Variants in NFIX observed in about 807,000 individuals in gnomAD.
NFIX encodes the protein nuclear factor 1 X-type.
NFIX carries 2 observed loss-of-function variants against 53.3 expected under a neutral mutation model. The ratio of observed to expected loss-of-function variants is 0.04; its 90% CI spans 0.02 to 0.12. NFIX has a LOEUF of 0.12. Among genes scored for constraint, NFIX ranks in the 10% least tolerant of loss-of-function variants. NFIX has a pLI of 1.00. For synonymous variants in NFIX, 244 were observed against 289.0 expected (o/e 0.84, Z 1.58); for missense variants, 310 against 674.5 (o/e 0.46, Z 5.99).
chr19:12,997,020 G>C (rs992570152), intron 1 of NFIX, among the ~76,000 whole-genome samples: 2 of 152,258 alleles, frequency 1.3e-5, no homozygotes, highest in Non-Finnish European at 1.5e-5. Flanking sequence ...TCTAGGGGCT[G>C]CTTAGCCCTG....
At position 13,047,856 on chromosome 19, in the gene NFIX, G is replaced by A. The variant is rs576160033; in HGVS notation, c.559+22304G>A. On this transcript the variant is annotated intron_variant, in intron 2 of 10. Coordinates refer to ENST00000592199, the MANE Select transcript of NFIX (RefSeq NM_001365902.3). The stretch of plus-strand genomic sequence containing the variant: ...CAGGCCCCTCTCTTTGTCCCATGGT[G>A]GCAGCATTCCGGCCCGGTTAATTGC... Among the ~76,000 whole-genome samples, 3 of 152,236 alleles carry A rather than the reference G, an allele frequency of 2.0e-5. No homozygotes were observed. The South Asian group carries it at 6.2e-4, about 32-fold the overall frequency.
In NFIX at chr19:12,999,169, C is replaced by G. The variant is rs74405480; in HGVS notation, c.27+3305C>G. Among the ~76,000 whole-genome samples, 10 of 151,836 alleles carry G rather than the reference C, an allele frequency of 6.6e-5. No individual in the cohort carries two copies. The South Asian group carries it at 2.1e-3, about 32-fold the overall frequency. On this transcript the variant is annotated intron_variant, in intron 1 of 10. Coordinates refer to ENST00000592199, the MANE Select transcript of NFIX (RefSeq NM_001365902.3). ...TCAGGTGTGTACACAAATAACTTTT[C>G]TTTTTCTATTTTTTTTTTTTTTGAG...
In NFIX at chr19:13,056,640, C is replaced by T. The variant is rs138442488; in HGVS notation, c.560-16407C>T. On this transcript the variant is annotated intron_variant, in intron 2 of 10. Transcript: ENST00000592199. ...CACTCGGGAGCCCAGTGCCTACACC[C>T]GAGGCCAGGGAACCCAGGGGTGAAA... is the stretch of plus-strand genomic sequence containing the variant. 2.6e-5 allele frequency among the ~76,000 whole-genome samples: 4 copies of T among 152,268 alleles called. 1 individual carries two copies. The highest frequency in any genetic ancestry group is 1.3e-4 in the Admixed American group (2 of 15,298).
Position 13,097,932 on chromosome 19 carries a change from G to A in NFIX, c.*3283G>A. The A allele has an allele frequency of 6.5e-6, 1 of 154,270 alleles. No homozygotes were observed. The highest frequency in any genetic ancestry group is 1.4e-5 in the Non-Finnish European group (1 of 69,744). 9.6% of individuals were successfully genotyped at this position (154,270 alleles called of 1,614,324 possible). The stretch of plus-strand genomic sequence containing the variant: ...ACAGGACCAGCCACGCTGACAGGTC[G>A]ATTTGCCCAGGCCCGCGCCCGCACG... On this transcript the variant is annotated 3_prime_UTR_variant, in exon 11 of 11. Coordinates refer to ENST00000592199, the MANE Select transcript of NFIX (RefSeq NM_001365902.3).
At chr19:13,091,544 G>C (rs996632022) in intron 10 of NFIX, among the ~76,000 whole-genome samples, 1 of 152,094 alleles carries the variant, frequency 6.6e-6, no homozygotes. Flanking sequence ...TGACCCGTCT[G>C]GTTTCCAGGA....
intron 1 of NFIX, among the ~76,000 whole-genome samples, chr19:13,017,531 C>T (rs1262018474): frequency 6.6e-6 from 1 of 151,632 alleles, no homozygotes; most frequent in Admixed American, 6.6e-5. Flanking sequence ...TCTCCTGTGG[C>T]GGGGGAAACA....
At position 13,012,003 on chromosome 19, in the gene NFIX, C is replaced by T. The variant is rs548341435; in HGVS notation, c.28-13018C>T. Among the ~76,000 whole-genome samples, 249 of 152,200 alleles carry T rather than the reference C, an allele frequency of 1.6e-3. No individual in the cohort carries two copies. Among genetic ancestry groups the T allele is most frequent in the African/African-American group, 5.8e-3 (241 of 41,552 alleles). On this transcript the variant is annotated intron_variant, in intron 1 of 10. Coordinates refer to ENST00000592199, the MANE Select transcript of NFIX (RefSeq NM_001365902.3). This position sits in a 1 kb window ranked among gnomAD's most constrained non-coding sequence, Gnocchi z 5.0. The stretch of plus-strand genomic sequence containing the variant: ...GGGTGCTGACGGTCACTGTCACTTG[C>T]ATCGCACACTGAGGGGTGGGAGAGG...
chr19:13,073,327 G>T lies in NFIX; in HGVS notation c.623-95G>T. On this transcript the variant is annotated intron_variant, in intron 3 of 10. Coordinates refer to ENST00000592199, the MANE Select transcript of NFIX (RefSeq NM_001365902.3). This position sits in a 1 kb window ranked among gnomAD's most constrained non-coding sequence, Gnocchi z 4.5. The stretch of plus-strand genomic sequence containing the variant: ...TAGCCTGGAGCTGGAAACGGGACTT[G>T]GGAGGGAGAAGCAACAGTGTGGAAG... The T allele has an allele frequency of 8.7e-7, 1 of 1,152,932 alleles. No homozygotes were observed. Among genetic ancestry groups the T allele is most frequent in the Non-Finnish European group, 1.3e-6 (1 of 760,652 alleles). 71.4% of individuals were successfully genotyped at this position (1,152,932 alleles called of 1,614,324 possible). A position where few individuals can be genotyped will look rare whatever the true frequency, so the allele number is the denominator to read the frequency against.
Position 13,018,340 on chromosome 19 carries a change from G to A in NFIX, c.28-6681G>A, listed in dbSNP as rs866184655. Among the ~76,000 whole-genome samples the A allele has an allele frequency of 8.6e-3, 983 of 113,688 alleles. 63 individuals are homozygous for A. Among genetic ancestry groups the A allele is most frequent in the African/African-American group, 0.028 (933 of 33,374 alleles). The allele number at this position is 113,688 out of a possible 152,430, so 74.6% of individuals were successfully genotyped here. A position where few individuals can be genotyped will look rare whatever the true frequency, so the allele number is the denominator to read the frequency against. On this transcript the variant is annotated intron_variant, in intron 1 of 10. Coordinates refer to ENST00000592199, the MANE Select transcript of NFIX (RefSeq NM_001365902.3). Reference sequence around the variant, plus strand: ...TGGAGGAGAAAAGGAAGGGGCGGGGGGGGGGGGGGGGCGCGGTTTACAGGA... The same window carrying A: ...TGGAGGAGAAAAGGAAGGGGCGGGGAGGGGGGGGGGGCGCGGTTTACAGGA...
intron 2 of NFIX, among the ~76,000 whole-genome samples, chr19:13,056,413 A>C (rs2015696241): frequency 6.6e-6 from 1 of 152,178 alleles, no homozygotes. Flanking sequence ...CACTGTGTGC[A>C]GAGGGCTTGG....
In NFIX at chr19:13,095,361, C is replaced by G. The variant is rs1476855556; in HGVS notation, c.*712C>G. On this transcript the variant is annotated 3_prime_UTR_variant, in exon 11 of 11. Coordinates refer to ENST00000592199, the MANE Select transcript of NFIX (RefSeq NM_001365902.3). ...TGCGTGTCCCAGAATGGAGGGTGTT[C>G]TGACACCCCACCCTGAGCCGCAAGA... The G allele has an allele frequency of 1.3e-5, 2 of 152,442 alleles. No homozygotes were observed. Among genetic ancestry groups the G allele is most frequent in the Non-Finnish European group, 2.9e-5 (2 of 68,228 alleles). The allele number at this position is 152,442 out of a possible 1,614,324, so 9.4% of individuals were successfully genotyped here.
At chr19:13,024,733 G>GGA (rs140446550) in intron 1 of NFIX, 49 of 1,529,096 alleles carry the variant, frequency 3.2e-5, no homozygotes, top group African/African-American at 5.5e-5. Context: ...AGTGAGTGAG[G>GGA]GAGAGAGAGA....
Position 13,074,036 on chromosome 19 carries a change from G to A in NFIX, c.818+10G>A. The A allele has an allele frequency of 6.2e-7, 1 of 1,613,816 alleles. No individual in the cohort carries two copies. Among genetic ancestry groups the A allele is most frequent in the Non-Finnish European group, 8.5e-7 (1 of 1,179,812 alleles). ...CCCCTCCTTCCACCAGGTAAGCCCAGTGGCCCTGCCTTTCCATCTTCTCTC... is the reference window on the plus strand; with the variant it reads ...CCCCTCCTTCCACCAGGTAAGCCCAATGGCCCTGCCTTTCCATCTTCTCTC... On this transcript the variant is annotated intron_variant, in intron 5 of 10. Coordinates refer to ENST00000592199, the MANE Select transcript of NFIX (RefSeq NM_001365902.3).
Position 13,036,545 on chromosome 19 carries a change from G to A in NFIX, c.559+10993G>A, listed in dbSNP as rs1350503496. On this transcript the variant is annotated intron_variant, in intron 2 of 10. Coordinates refer to ENST00000592199, the MANE Select transcript of NFIX (RefSeq NM_001365902.3). This position sits in a 1 kb window ranked among gnomAD's most constrained non-coding sequence, Gnocchi z 4.7. The stretch of plus-strand genomic sequence containing the variant: ...ACTCTTGTGGACTGGGCGGAGCTGT[G>A]TGGAGCGATCGGGAGATCCCCGGAG... Among the ~76,000 whole-genome samples the A allele has an allele frequency of 6.6e-6, 1 of 152,162 alleles. No homozygotes were observed. Among genetic ancestry groups the A allele is most frequent in the Non-Finnish European group, 1.5e-5 (1 of 68,030 alleles).
intron 1 of NFIX, among the ~76,000 whole-genome samples, chr19:13,020,345 A>G (rs1434442658): frequency 6.6e-6 from 1 of 152,176 alleles, no homozygotes; most frequent in Non-Finnish European, 1.5e-5. Context: ...GGTGCTTGAA[A>G]TGTTTCTAAT....
rs1250760179 is a variant in NFIX, at chr19:13,089,855, T to C, written c.1403-444T>C. Among the ~76,000 whole-genome samples the C allele has an allele frequency of 6.6e-6, 1 of 152,112 alleles. No individual in the cohort carries two copies. The highest frequency in any genetic ancestry group is 1.5e-5 in the Non-Finnish European group (1 of 67,986). ...CCCTCCCCTGGCCCCCTCTCTTCAG[T>C]ACCTGAGAGGGGCCAGTGGGAAAGC... On this transcript the variant is annotated intron_variant, in intron 9 of 10. Coordinates refer to ENST00000592199, the MANE Select transcript of NFIX (RefSeq NM_001365902.3). The surrounding 1 kb of genome is among the most constrained non-coding windows in gnomAD (Gnocchi z 4.8).
rs577125469 is a variant in NFIX, at chr19:13,045,836, C to T, written c.559+20284C>T. The stretch of plus-strand genomic sequence containing the variant: ...GCTCTTGCCCACCTCTCCATGTCCT[C>T]GTTGCCGACTGAGGCACCTGGGAGT... On this transcript the variant is annotated intron_variant, in intron 2 of 10. Coordinates refer to ENST00000592199, the MANE Select transcript of NFIX (RefSeq NM_001365902.3). The surrounding 1 kb of genome is among the most constrained non-coding windows in gnomAD (Gnocchi z 4.4). Among the ~76,000 whole-genome samples, 85 of 152,324 alleles carry T rather than the reference C, an allele frequency of 5.6e-4. No individual in the cohort carries two copies. The highest frequency in any genetic ancestry group is 1.9e-3 in the African/African-American group (78 of 41,564).
chr19:13,062,786 A>C (rs541662940), intron 2 of NFIX, among the ~76,000 whole-genome samples: 12 of 152,334 alleles, frequency 7.9e-5, no homozygotes, highest in Admixed American at 7.8e-4. Context: ...CTGCTCCACC[A>C]AGGCAAGTCT....
At chr19:13,091,633 G>T (rs1322707042) in intron 10 of NFIX, among the ~76,000 whole-genome samples, 1 of 152,126 alleles carries the variant, frequency 6.6e-6, no homozygotes, top group African/African-American at 2.4e-5. Flanking sequence ...CCGAGCAGGG[G>T]CTGGAGCCAG....
Sources: allele counts gnomAD v4.1 joint callset (sites outside exome capture counted in the v4.1 genomes callset), GRCh38; gene constraint gnomAD v4.1.1; non-coding constraint Gnocchi (gnomAD v3.1); transcripts MANE v1.5; gene names NCBI Gene and HGNC (gene_info 2026-07-23, HGNC 2026-07-21).